The following NUDT3 variants were observed in gnomAD, a reference collection of about 807,000 sequenced individuals.
NUDT3 encodes nudix hydrolase 3, also known as diphosphoinositol polyphosphate phosphohydrolase 1.
Under a neutral mutation model 23.6 loss-of-function variants are expected in NUDT3, and 9 were observed. The ratio of observed to expected loss-of-function variants is 0.38; its 90% confidence interval spans 0.23 to 0.66. NUDT3 has a LOEUF of 0.66. Among genes scored for constraint, NUDT3 ranks in the 30% least tolerant of loss-of-function variants. NUDT3 has a pLI of 0.52. For missense variants in NUDT3, 172 were observed against 218.5 expected, an observed-to-expected ratio of 0.79 and a Z score of 1.34; for synonymous variants, 86 against 82.6, an observed-to-expected ratio of 1.04 and a Z score of -0.22.
intron 2 of NUDT3, among the ~76,000 whole-genome samples, chr6:34,317,209 G>C (rs1162008731): frequency 1.3e-5 from 2 of 152,092 alleles, no homozygotes; most frequent in African/African-American, 2.4e-5. Flanking sequence ...GTAGAATCAA[G>C]GCTTATACAT....
At chr6:34,353,653 C>T (rs1175083029) in intron 1 of NUDT3, among the ~76,000 whole-genome samples, 1 of 151,980 alleles carries the variant, frequency 6.6e-6, no homozygotes, top group Non-Finnish European at 1.5e-5. Context: ...ATCCGCCTGC[C>T]TTGGCCTCCC....
chr6:34,354,526 C>T (rs546678499), intron 1 of NUDT3, among the ~76,000 whole-genome samples: 4 of 151,904 alleles, frequency 2.6e-5, no homozygotes, highest in Non-Finnish European at 4.4e-5. Flanking sequence ...AGCTCGAGAC[C>T]AGCCTGGCCA....
chr6:34,353,770 T>C (rs1323771916), intron 1 of NUDT3, among the ~76,000 whole-genome samples: 3 of 152,028 alleles, frequency 2.0e-5, no homozygotes, highest in Non-Finnish European at 4.4e-5. Flanking sequence ...TGGTGCATCA[T>C]AGCTCACTGA....
intron 1 of NUDT3, among the ~76,000 whole-genome samples, chr6:34,363,864 C>CTGAGTT (rs1764685908): frequency 6.6e-6 from 1 of 152,048 alleles, no homozygotes; most frequent in Non-Finnish European, 1.5e-5. Flanking sequence ...CCTCCTCCTC[C>CTGAGTT]CAGGTTTAAG....
chr6:34,334,113 C>T (rs1387466339), intron 2 of NUDT3, among the ~76,000 whole-genome samples: 1 of 152,212 alleles, frequency 6.6e-6, no homozygotes, highest in African/African-American at 2.4e-5. Context: ...CCTGCCGGTG[C>T]ACTGTGACCC....
At chr6:34,382,022 A>ACCG (rs1765026977) in intron 1 of NUDT3, among the ~76,000 whole-genome samples, 2 of 146,238 alleles carry the variant, frequency 1.4e-5, no homozygotes, top group Admixed American at 6.9e-5. Context: ...GCAGCGAGCC[A>ACCG]AGATCACACC....
At chr6:34,347,285 G>T (rs1254603314) in intron 1 of NUDT3, among the ~76,000 whole-genome samples, 1 of 152,198 alleles carries the variant, frequency 6.6e-6, no homozygotes, top group African/African-American at 2.4e-5. Flanking sequence ...GTAACATCAT[G>T]AGCCAGGAAC....
chr6:34,373,273 C>T (rs909995338), intron 1 of NUDT3, among the ~76,000 whole-genome samples: 4 of 98,158 alleles, frequency 4.1e-5, no homozygotes, highest in Non-Finnish European at 6.9e-5. Flanking sequence ...AGAAAGACTC[C>T]GTCTCAAAAA....
intron 1 of NUDT3, among the ~76,000 whole-genome samples, chr6:34,368,143 G>A (rs1446238022): frequency 6.6e-6 from 1 of 152,246 alleles, no homozygotes; most frequent in East Asian, 1.9e-4. Flanking sequence ...AGAGGTTACA[G>A]TGAGCTGAGA....
intron 2 of NUDT3, 63 bp from the exon 3 acceptor site, chr6:34,295,748 C>A: frequency 6.3e-7 from 1 of 1,592,638 alleles, no homozygotes; most frequent in South Asian, 1.1e-5. Context: ...CATTCTGAGT[C>A]TTCTTAAGCA....
intron 2 of NUDT3, among the ~76,000 whole-genome samples, chr6:34,318,860 G>A (rs1457811852): frequency 6.6e-6 from 1 of 152,122 alleles, no homozygotes; most frequent in African/African-American, 2.4e-5. Flanking sequence ...ACCATGCCCA[G>A]CCTGTACATG....
chr6:34,332,538 T>C (rs1764143711), intron 2 of NUDT3, among the ~76,000 whole-genome samples: 1 of 152,168 alleles, frequency 6.6e-6, no homozygotes. Flanking sequence ...AATCCACATA[T>C]AAATGAACCC....
At chr6:34,299,600 A>ATT (rs147548768) in intron 2 of NUDT3, among the ~76,000 whole-genome samples, 2 of 137,050 alleles carry the variant, frequency 1.5e-5, no homozygotes. Flanking sequence ...ATTTTCTTGA[A>ATT]TTTTTTTTTT....
At chr6:34,298,497 A>G (rs926935308) in intron 2 of NUDT3, among the ~76,000 whole-genome samples, 7 of 149,330 alleles carry the variant, frequency 4.7e-5, no homozygotes, top group South Asian at 2.1e-4. Context: ...CCTATTTGAA[A>G]TAGACACAAA....
Position 34,288,159 on chromosome 6 carries a change from C to A in NUDT3, c.*594G>T, listed in dbSNP as rs1763361312. 1 of 152,072 alleles carries A rather than the reference C, an allele frequency of 6.6e-6. No homozygotes were observed. The highest frequency in any genetic ancestry group is 6.6e-5 in the Admixed American group (1 of 15,262). The allele number at this position is 152,072 out of a possible 1,614,324, so 9.4% of individuals were successfully genotyped here. A position where few individuals can be genotyped will look rare whatever the true frequency, so the allele number is the denominator to read the frequency against. On this transcript the variant is annotated 3_prime_UTR_variant, in exon 5 of 5. Coordinates refer to ENST00000607016, the MANE Select transcript of NUDT3 (RefSeq NM_006703.4). ...AAAAAGGTATGTTAATTGTGAGGCT[C>A]TCAATTCTAGAAATGCCCAAATTAA... is the stretch of plus-strand genomic sequence containing the variant.
chr6:34,380,765 A>G (rs1765003048), intron 1 of NUDT3, among the ~76,000 whole-genome samples: 1 of 152,206 alleles, frequency 6.6e-6, no homozygotes, highest in Non-Finnish European at 1.5e-5. Flanking sequence ...ACAGGCAGGG[A>G]ATAACAGCTT....
At position 34,293,522 on chromosome 6, in the gene NUDT3, T is replaced by C; in HGVS notation, c.269A>G (p.Lys90Arg). 2 of 1,614,184 alleles carry C rather than the reference T, an allele frequency of 1.2e-6. No homozygotes were observed. Among genetic ancestry groups the C allele is most frequent in the East Asian group, 2.2e-5 (1 of 44,878 alleles). Residue 90 changes from lysine (K) to arginine (R), a missense_variant, in exon 4 of 5, where the codon AAG (lysine) becomes AGG (arginine). Around this residue, in one of 3 missense-constraint regions of NUDT3, gnomAD observed 59 missense variants for 107.4 expected, o/e 0.55. Coordinates refer to ENST00000607016, the MANE Select transcript of NUDT3 (RefSeq NM_006703.4). ...GAGCACATAGACATACGTCCTGTGC[T>C]TCCTCTCCTGGTTCTGAAGGGCAAA... Reference protein sequence around the residue: ...LVGIFENQERKHRTYVYVLIV... With the variant: ...LVGIFENQERRHRTYVYVLIV...
chr6:34,392,265 T>A lies in NUDT3; in HGVS notation c.98A>T (p.Glu33Val). The change falls in exon 1 of 5, where the codon GAG (glutamate) becomes GTG (valine). Residue 33 changes from glutamate (E) to valine (V), a missense_variant and splice_region_variant. Glu to Val is a moderately radical substitution (Grantham distance 121). This residue lies in a region of NUDT3 where 50 missense variants were observed against 46.2 expected (regional missense o/e 1.08). Transcript: ENST00000607016. ...GGCCCGCCCAGCCTGCCGCCTCACC[T>A]CCTCCTCGCTCTCGCTGCGGAAACA... ...CLCFRSESEE[E>V]VLLVSSSRHP... 1 of 1,592,918 alleles carries A rather than the reference T, an allele frequency of 6.3e-7. No homozygotes were observed. The highest frequency in any genetic ancestry group is 8.5e-7 in the Non-Finnish European group (1 of 1,174,222).
At chr6:34,348,548 C>T (rs1400711828) in intron 1 of NUDT3, among the ~76,000 whole-genome samples, 2 of 151,812 alleles carry the variant, frequency 1.3e-5, no homozygotes, top group African/African-American at 4.8e-5. Flanking sequence ...CAGGCCGAGG[C>T]GGGTGGATCA....
Sources: gnomAD v4.1 joint callset for allele counts (sites outside exome capture counted in the v4.1 genomes callset) on GRCh38, gnomAD v4.1.1 for gene constraint, gnomAD v4.1.1 regional missense constraint, MANE v1.5 for transcripts, NCBI Gene and HGNC (gene_info 2026-07-23, HGNC 2026-07-21) for gene names.